The following ATP6V1A variants were observed in gnomAD, a reference collection of about 807,000 sequenced individuals.
The protein encoded by ATP6V1A is ATPase H+ transporting V1 subunit A.
A neutral mutation model predicts 70.1 loss-of-function variants in ATP6V1A; 18 were observed. That is an observed-to-expected ratio of 0.26 (90% CI 0.18 to 0.38). The LOEUF (loss-of-function observed/expected upper bound fraction) is 0.38, where lower values mean the gene tolerates loss of function less well. Among genes scored for constraint, ATP6V1A ranks in the 10% least tolerant of loss-of-function variants. The pLI is 1.00. For missense variants in ATP6V1A, 424 were observed against 772.4 expected (o/e 0.55, Z 5.35); for synonymous variants, 232 against 253.8 (o/e 0.91, Z 0.82).
chr3:113,780,666 C>T (rs1297953082), intron 2 of ATP6V1A: 1 of 1,038,386 alleles, frequency 9.6e-7, no homozygotes, highest in African/African-American at 1.7e-5. Flanking sequence ...TGGCATTCTA[C>T]CATACTACTA....
intron 13 of ATP6V1A, among the ~76,000 whole-genome samples, chr3:113,804,225 T>A (rs1301010944): frequency 6.6e-6 from 1 of 151,730 alleles, no homozygotes; most frequent in Non-Finnish European, 1.5e-5. Context: ...ACTCCTGGGC[T>A]CAAGCAGTCC....
Position 113,784,766 on chromosome 3 carries a change from T to G in ATP6V1A, c.497T>G (p.Ile166Ser), listed in dbSNP as rs754805158. Reference protein sequence around the residue: ...VSENSLIKHKIMLPPRNRGTV... With the variant: ...VSENSLIKHKSMLPPRNRGTV... Reference sequence around the variant, plus strand: ...GAGAACTCGCTTATCAAACACAAAATCATGTTACCCCCACGAAACAGAGGA... The same window carrying G: ...GAGAACTCGCTTATCAAACACAAAAGCATGTTACCCCCACGAAACAGAGGA... The change falls in exon 5 of 15, where the codon ATC becomes AGC. Residue 166 changes from isoleucine to serine, a missense_variant. Ile to Ser is a moderately radical substitution (Grantham distance 142). Transcript: ENST00000273398. The G allele has an allele frequency of 2.0e-5, 32 of 1,613,960 alleles. No individual in the cohort carries two copies. In the East Asian group the frequency reaches 3.3e-4, roughly 17 times the overall value.
intron 14 of ATP6V1A, among the ~76,000 whole-genome samples, chr3:113,806,330 T>G (rs1421826032): frequency 6.6e-6 from 1 of 152,194 alleles, no homozygotes; most frequent in Non-Finnish European, 1.5e-5. Flanking sequence ...CCAGGCAAAT[T>G]AGAGCTTACT....
intron 1 of ATP6V1A, among the ~76,000 whole-genome samples, chr3:113,753,300 G>A (rs895548493): frequency 6.6e-6 from 1 of 152,208 alleles, no homozygotes; most frequent in Non-Finnish European, 1.5e-5. Context: ...ACTGCTAGCA[G>A]GGATATGTGG....
intron 14 of ATP6V1A, among the ~76,000 whole-genome samples, chr3:113,806,218 C>T (rs1448391350): frequency 6.6e-6 from 1 of 152,112 alleles, no homozygotes; most frequent in Non-Finnish European, 1.5e-5. Flanking sequence ...CCACTACTCT[C>T]CAGCCTGGGC....
At chr3:113,780,548 C>A (rs1398851404) in intron 2 of ATP6V1A, among the ~76,000 whole-genome samples, 1 of 152,032 alleles carries the variant, frequency 6.6e-6, no homozygotes, top group African/African-American at 2.4e-5. Flanking sequence ...GGTCCATGTC[C>A]CAGAAGAGTT....
chr3:113,773,704 A>G (rs1174078104), intron 1 of ATP6V1A, among the ~76,000 whole-genome samples: 3 of 152,198 alleles, frequency 2.0e-5, no homozygotes, highest in African/African-American at 4.8e-5. Context: ...GGTTTCAACC[A>G]TCTGTAGGGA....
chr3:113,776,730 G>C (rs2108023994), intron 1 of ATP6V1A, among the ~76,000 whole-genome samples: 1 of 152,208 alleles, frequency 6.6e-6, no homozygotes, highest in Non-Finnish European at 1.5e-5. Context: ...AAGTCCACTT[G>C]TTATTTTGGC....
At chr3:113,773,992 A>G (rs1490201490) in intron 1 of ATP6V1A, among the ~76,000 whole-genome samples, 1 of 152,170 alleles carries the variant, frequency 6.6e-6, no homozygotes, top group African/African-American at 2.4e-5. Flanking sequence ...CTGGCACATC[A>G]TCAATGCTTA....
intron 1 of ATP6V1A, among the ~76,000 whole-genome samples, chr3:113,770,390 T>C (rs1168949223): frequency 2.0e-5 from 3 of 151,930 alleles, no homozygotes; most frequent in African/African-American, 7.2e-5. Flanking sequence ...CAACAATAGC[T>C]GTATAGGCCG....
At chr3:113,766,279 TC>T (rs1356385431) in intron 1 of ATP6V1A, among the ~76,000 whole-genome samples, 3 of 151,916 alleles carry the variant, frequency 2.0e-5, no homozygotes, top group Admixed American at 1.3e-4. Context: ...ATCATCTCTC[TC>T]TCTTTCTCTC....
At chr3:113,783,193 A>G (rs747270371) in intron 3 of ATP6V1A, among the ~76,000 whole-genome samples, 2 of 152,186 alleles carry the variant, frequency 1.3e-5, no homozygotes, top group African/African-American at 2.4e-5. Context: ...TTACTTATCA[A>G]TGTCTTAATG....
At chr3:113,773,789 C>A (rs1244732482) in intron 1 of ATP6V1A, among the ~76,000 whole-genome samples, 1 of 152,164 alleles carries the variant, frequency 6.6e-6, no homozygotes, top group Non-Finnish European at 1.5e-5. Flanking sequence ...AAGTGACTTT[C>A]ATCCTGCCCA....
intron 12 of ATP6V1A, among the ~76,000 whole-genome samples, chr3:113,800,681 AT>A (rs1252157891): frequency 3.3e-5 from 5 of 152,264 alleles, no homozygotes; most frequent in Non-Finnish European, 5.9e-5. Flanking sequence ...TATTAAGAAA[AT>A]ATCTTTGTGA....
At chr3:113,808,130 G>GA (rs1246331874) in intron 14 of ATP6V1A, among the ~76,000 whole-genome samples, 1,410 of 116,852 alleles carry the variant, frequency 0.012, 21 homozygotes, top group Admixed American at 0.043. Context: ...AACTCTGTCT[G>GA]AAAAAAAAAA....
At chr3:113,753,387 A>G (rs1708610792) in intron 1 of ATP6V1A, among the ~76,000 whole-genome samples, 1 of 152,216 alleles carries the variant, frequency 6.6e-6, no homozygotes, top group Non-Finnish European at 1.5e-5. Flanking sequence ...AAGCAACATC[A>G]GTTAATACTG....
intron 1 of ATP6V1A, among the ~76,000 whole-genome samples, chr3:113,754,828 A>G (rs1345128070): frequency 6.6e-6 from 1 of 152,200 alleles, no homozygotes; most frequent in Non-Finnish European, 1.5e-5. Flanking sequence ...AGCAAAATAA[A>G]AAGTACTTAT....
intron 11 of ATP6V1A, among the ~76,000 whole-genome samples, chr3:113,796,650 A>C (rs963719282): frequency 2.6e-5 from 4 of 152,236 alleles, no homozygotes; most frequent in Admixed American, 6.5e-5. Flanking sequence ...TATAGTTAAA[A>C]AAAAAAAGTG....
At chr3:113,756,213 C>T (rs1708645321) in intron 1 of ATP6V1A, among the ~76,000 whole-genome samples, 1 of 152,166 alleles carries the variant, frequency 6.6e-6, no homozygotes. Flanking sequence ...AGATTGCTGC[C>T]ATAATACCGC....
Sources: gnomAD v4.1 joint callset for allele counts (sites outside exome capture counted in the v4.1 genomes callset) on GRCh38, gnomAD v4.1.1 for gene constraint, MANE v1.5 for transcripts, NCBI Gene and HGNC (gene_info 2026-07-23, HGNC 2026-07-21) for gene names.